Variants in DIP2A observed in about 807,000 individuals in gnomAD.
DIP2A encodes the protein DIP2 acetate--CoA ligase A.
Under a neutral mutation model 177.4 loss-of-function variants are expected in DIP2A, and 85 were observed. The ratio of observed to expected loss-of-function variants is 0.48; its 90% confidence interval spans 0.40 to 0.57. The LOEUF (loss-of-function observed/expected upper bound fraction) is 0.57, where lower values mean the gene tolerates loss of function less well. DIP2A is among the 20% of genes least tolerant of loss of function. DIP2A has a pLI of 0.00. For synonymous variants in DIP2A, 886 were observed against 881.8 expected, an observed-to-expected ratio of 1.00 and a Z score of -0.08; for missense variants, 1,791 against 2,100.2, an observed-to-expected ratio of 0.85 and a Z score of 2.88.
chr21:46,540,106 G>T, intron 17 of DIP2A, 115 bp downstream of exon 17: 1 of 823,754 alleles, frequency 1.2e-6, no homozygotes. Context: ...TTGTGCAGTA[G>T]TACCTTGGTG....
At chr21:46,571,519 T>C (rs1303822016), downstream of DIP2A, among the ~76,000 whole-genome samples, 1 of 152,244 alleles carries the variant, frequency 6.6e-6, no homozygotes, top group African/African-American at 2.4e-5. Context: ...TATTGGTTCT[T>C]CCTATCCATG....
chr21:46,570,905 C>A (rs911294072), downstream of DIP2A, among the ~76,000 whole-genome samples: 1 of 152,172 alleles, frequency 6.6e-6, no homozygotes, highest in East Asian at 1.9e-4. Context: ...CTCAAAGAGA[C>A]CACACAGATA....
chr21:46,519,294 C>T (rs974208032), intron 8 of DIP2A, among the ~76,000 whole-genome samples: 5 of 152,110 alleles, frequency 3.3e-5, no homozygotes, highest in African/African-American at 1.2e-4. Context: ...TATCTTGTGC[C>T]GACCTCCTAT....
chr21:46,497,868 G>A (rs1025455914), intron 4 of DIP2A, among the ~76,000 whole-genome samples: 1 of 152,152 alleles, frequency 6.6e-6, no homozygotes, highest in South Asian at 2.1e-4. Flanking sequence ...AGAAATGGCT[G>A]TCAAATTATT....
rs780450608 is a variant in DIP2A, at chr21:46,563,813, G to A, written c.4090-45G>A. 29 of 1,605,150 alleles carry A rather than the reference G, an allele frequency of 1.8e-5. No homozygotes were observed. Among genetic ancestry groups the A allele is most frequent in the South Asian group, 6.7e-5 (6 of 89,008 alleles). ...AATGTCACTGAATCAAGAGAGTCTCGTGTCATGTTTTCTTTAACAAGGGAC... is the reference window on the plus strand; with the variant it reads ...AATGTCACTGAATCAAGAGAGTCTCATGTCATGTTTTCTTTAACAAGGGAC... On this transcript the variant is annotated intron_variant, in intron 34 of 37. Transcript: ENST00000417564. This position sits in a 1 kb window ranked among gnomAD's most constrained non-coding sequence, Gnocchi z 4.3.
chr21:46,477,574 T>TGTGTGTGTGTGTGTGTGTGTGTG (rs1292980032), intron 1 of DIP2A, among the ~76,000 whole-genome samples: 3 of 93,720 alleles, frequency 3.2e-5, no homozygotes, highest in Non-Finnish European at 5.1e-5. Context: ...TGTGTATTTC[T>TGTGTGTGTGTGTGTGTGTGTGTG]TTTTTTTTTT....
At chr21:46,464,097 A>C (rs577647227) in intron 1 of DIP2A, among the ~76,000 whole-genome samples, 86 of 151,994 alleles carry the variant, frequency 5.7e-4, no homozygotes, top group Non-Finnish European at 1.0e-3. Context: ...GTGGTATATA[A>C]AAGTTCTCAT....
intron 9 of DIP2A, among the ~76,000 whole-genome samples, chr21:46,531,579 C>T (rs1259004769): frequency 6.6e-6 from 1 of 152,188 alleles, no homozygotes; most frequent in Non-Finnish European, 1.5e-5. Context: ...AGATTCTTGA[C>T]TTGCAAGAGA....
At position 46,487,365 on chromosome 21, in the gene DIP2A, A is replaced by G. The variant is rs530053925; in HGVS notation, c.163+2537A>G. Among the ~76,000 whole-genome samples, 12 of 152,340 alleles carry G rather than the reference A, an allele frequency of 7.9e-5. No homozygotes were observed. In the South Asian group the frequency reaches 2.5e-3, roughly 32 times the overall value. On this transcript the variant is annotated intron_variant, in intron 2 of 37. Transcript: ENST00000417564. Reference sequence around the variant, plus strand: ...AACTATTAAAATATCTCTAAAGCCCATTTGTCCAAAATCACCAGCAATCAT... The same window carrying G: ...AACTATTAAAATATCTCTAAAGCCCGTTTGTCCAAAATCACCAGCAATCAT...
At position 46,511,481 on chromosome 21, in the gene DIP2A, G is replaced by A. The variant is rs1422016224; in HGVS notation, c.969G>A (p.Glu323=). 2 of 1,613,348 alleles carry A rather than the reference G, an allele frequency of 1.2e-6. No homozygotes were observed. Among genetic ancestry groups the A allele is most frequent in the East Asian group, 2.2e-5 (1 of 44,826 alleles). Residue 323 remains glutamate, a synonymous_variant, in exon 8 of 38, where the codon GAG becomes GAA. Transcript: ENST00000417564. ...EGSETSVLRG[E]PLTAGVPRPP... The stretch of plus-strand genomic sequence containing the variant: ...GCGAGACGAGTGTGCTGAGAGGGGA[G>A]CCTCTCACTGCAGGTGTCCCCCGAC...
At chr21:46,505,521 A>G (rs926911400) in intron 6 of DIP2A, among the ~76,000 whole-genome samples, 1 of 152,138 alleles carries the variant, frequency 6.6e-6, no homozygotes, top group African/African-American at 2.4e-5. Context: ...AGGCAGGAGA[A>G]TCGCTTGAAC....
chr21:46,555,278 G>T (rs2060424631), intron 28 of DIP2A, among the ~76,000 whole-genome samples: 1 of 152,234 alleles, frequency 6.6e-6, no homozygotes, highest in Admixed American at 6.5e-5. Context: ...CGCCACTCCA[G>T]CATCCCTGTC....
intron 16 of DIP2A, 22 bp from the exon 17 acceptor site, chr21:46,539,855 C>A (rs750858433): frequency 6.3e-7 from 1 of 1,593,268 alleles, no homozygotes; most frequent in East Asian, 2.2e-5. Context: ...TGCTGGCGTT[C>A]CACTCTTGTT....
At chr21:46,565,280 G>A (rs922737107) in intron 35 of DIP2A, among the ~76,000 whole-genome samples, 2 of 152,332 alleles carry the variant, frequency 1.3e-5, no homozygotes, top group South Asian at 4.1e-4. Context: ...GGGATGTGCC[G>A]TCTGTTTTCA....
chr21:46,506,723 TTTTTCTTTCTTTCTTTCTTTCTTTC>T (rs1450673699), intron 6 of DIP2A, among the ~76,000 whole-genome samples: 25 of 59,852 alleles, frequency 4.2e-4, no homozygotes, highest in South Asian at 1.5e-3. Context: ...ATTGTGCTTG[TTTTTCTTTCTTTCTTTCTTTCTTTC>T]TTTCTTTCTT....
At position 46,556,031 on chromosome 21, in the gene DIP2A, C is replaced by A; in HGVS notation, c.3438C>A (p.Pro1146=). ...KIASVFRPPS[P]DVLAYLDFSV... The stretch of plus-strand genomic sequence containing the variant: ...CAAGCGTTTTCAGGCCCCCCTCCCC[C>A]GATGTCCTCGCATACTTGGACTTCA... The change falls in exon 29 of 38, where the codon CCC becomes CCA. Residue 1146 remains proline (P), a synonymous_variant. Coordinates refer to ENST00000417564, the MANE Select transcript of DIP2A (RefSeq NM_015151.4). The surrounding 1 kb of genome is among the most constrained non-coding windows in gnomAD (Gnocchi z 4.5). 1 of 1,613,972 alleles carries A rather than the reference C, an allele frequency of 6.2e-7. No individual in the cohort carries two copies. Among genetic ancestry groups the A allele is most frequent in the Non-Finnish European group, 8.5e-7 (1 of 1,179,872 alleles).
chr21:46,504,212 C>T, intron 5 of DIP2A, 149 bp from the exon 6 acceptor site: 1 of 1,107,720 alleles, frequency 9.0e-7, no homozygotes, highest in Non-Finnish European at 1.3e-6. Flanking sequence ...TGCCTTTGGT[C>T]AGCCAAGAAA....
chr21:46,530,141 C>T (rs766906460), intron 9 of DIP2A, among the ~76,000 whole-genome samples: 41 of 152,150 alleles, frequency 2.7e-4, no homozygotes, highest in African/African-American at 4.3e-4. Context: ...TGGACCAGAC[C>T]GGAGGACCCT....
Position 46,541,855 on chromosome 21 carries a change from A to T in DIP2A, c.2136A>T (p.Ser712=), listed in dbSNP as rs1291220551. The change falls in exon 18 of 38, where the codon TCA becomes TCT. Residue 712 remains serine (S), a synonymous_variant. Transcript: ENST00000417564. ...GAGTGGATACTGAAGAAAAGTTGTC[A>T]GTCCTTACTGTTCAGGACGTTGGTC... ...VIRVDTEEKL[S]VLTVQDVGQV... 6.2e-7 allele frequency: 1 copy of T among 1,614,046 alleles called. No homozygotes were observed. Among genetic ancestry groups the T allele is most frequent in the Non-Finnish European group, 8.5e-7 (1 of 1,179,894 alleles).
Sources: allele counts gnomAD v4.1 joint callset (sites outside exome capture counted in the v4.1 genomes callset), GRCh38; gene constraint gnomAD v4.1.1; non-coding constraint Gnocchi (gnomAD v3.1); transcripts MANE v1.5; gene names NCBI Gene and HGNC (gene_info 2026-07-23, HGNC 2026-07-21).